The following DAB1 variants were observed in gnomAD, a reference collection of about 807,000 sequenced individuals.
DAB1 encodes the protein DAB adaptor protein 1, also known as disabled homolog 1.
In DAB1, 15 loss-of-function variants were observed where a neutral mutation model predicts 64.6. The observed-to-expected ratio is 0.23, with a 90% CI of 0.16 to 0.36. The LOEUF is 0.36. Among genes scored for constraint, DAB1 ranks in the 10% least tolerant of loss-of-function variants. DAB1 has a pLI of 1.00. For missense variants in DAB1, 596 were observed against 706.7 expected (o/e 0.84, Z 1.78); for synonymous variants, 235 against 251.9 (o/e 0.93, Z 0.64).
At chr1:58,330,736 G>A (rs1375437696) in intron 4 of DAB1, among the ~76,000 whole-genome samples, 1 of 152,178 alleles carries the variant, frequency 6.6e-6, no homozygotes, top group African/African-American at 2.4e-5. Context: ...AAGTCTGGAT[G>A]ACAGCACATA....
chr1:57,971,922 T>C (rs978921339), intron 5 of DAB1, among the ~76,000 whole-genome samples: 1 of 152,216 alleles, frequency 6.6e-6, no homozygotes, highest in Non-Finnish European at 1.5e-5. Context: ...CCATTTCCAC[T>C]ACAATATCTC....
chr1:58,396,525 G>C (rs1005845606), intron 3 of DAB1, among the ~76,000 whole-genome samples: 3 of 151,878 alleles, frequency 2.0e-5, no homozygotes, highest in African/African-American at 7.3e-5. Flanking sequence ...GCAGTGCATA[G>C]ACACAAAGAC....
chr1:57,776,170 T>C (rs1649789854), intron 6 of DAB1, among the ~76,000 whole-genome samples: 1 of 151,740 alleles, frequency 6.6e-6, no homozygotes, highest in African/African-American at 2.4e-5. Context: ...ATCCCAAATG[T>C]TCCAAAACCT....
Position 58,017,838 on chromosome 1 carries a change from G to A in DAB1, n.387+132673C>T, listed in dbSNP as rs185528691. Among the ~76,000 whole-genome samples the A allele has an allele frequency of 2.0e-4, 30 of 152,354 alleles. No homozygotes were observed. In the East Asian group the frequency reaches 5.6e-3, roughly 28 times the overall value. On this transcript the variant is annotated intron_variant and non_coding_transcript_variant, in intron 5 of 20. Transcript: ENST00000485760. ...ACATGAGCTCATGGTAGCCCCTCTA[G>A]GTGGGGCTGGAAGACAAAGGTTTAT... is the stretch of plus-strand genomic sequence containing the variant.
intron 7 of DAB1, among the ~76,000 whole-genome samples, chr1:57,461,257 A>G (rs1160640960): frequency 1.3e-5 from 2 of 152,186 alleles, no homozygotes; most frequent in African/African-American, 2.4e-5. Flanking sequence ...GCACTGGTCT[A>G]ATGTTGGGGA....
chr1:57,175,048 C>T (rs17541479), intron 2 of DAB1, among the ~76,000 whole-genome samples: 39,867 of 152,038 alleles, frequency 0.26, 6,410 homozygotes, highest in Middle Eastern at 0.38. Flanking sequence ...CAGAAGGACG[C>T]GACATTTTGG....
intron 5 of DAB1, among the ~76,000 whole-genome samples, chr1:58,107,267 T>G (rs1405047641): frequency 4.1e-5 from 6 of 146,196 alleles, no homozygotes; most frequent in Non-Finnish European, 9.0e-5. Context: ...GAGATCAGCT[T>G]GGCTAACATG....
At chr1:57,054,349 C>T (rs920432946) in intron 9 of DAB1, among the ~76,000 whole-genome samples, 2 of 152,000 alleles carry the variant, frequency 1.3e-5, no homozygotes, top group Non-Finnish European at 2.9e-5. Context: ...CAATGCTCTG[C>T]TTGCATTCCC....
intron 7 of DAB1, among the ~76,000 whole-genome samples, chr1:57,617,618 C>T (rs1204955370): frequency 6.6e-6 from 1 of 152,144 alleles, no homozygotes; most frequent in Non-Finnish European, 1.5e-5. Context: ...GAGAGAAAAC[C>T]TGTTTGACAA....
chr1:57,695,288 G>GAAA (rs1491111654), intron 6 of DAB1, among the ~76,000 whole-genome samples: 1 of 120,312 alleles, frequency 8.3e-6, no homozygotes, highest in Non-Finnish European at 1.7e-5. Flanking sequence ...AAGGAAGAAA[G>GAAA]GGAGAGAGAA....
chr1:58,053,501 G>A (rs1350802467), intron 5 of DAB1, among the ~76,000 whole-genome samples: 1 of 152,148 alleles, frequency 6.6e-6, no homozygotes, highest in African/African-American at 2.4e-5. Flanking sequence ...CACCCCTGAG[G>A]AAGGGCATTA....
At chr1:58,386,974 C>G (rs1009863982) in intron 3 of DAB1, among the ~76,000 whole-genome samples, 2 of 152,116 alleles carry the variant, frequency 1.3e-5, no homozygotes, top group Non-Finnish European at 2.9e-5. Flanking sequence ...GTAGGAGAAT[C>G]GCTTGAATCC....
At chr1:58,453,245 A>AG (rs1224639585) in intron 3 of DAB1, among the ~76,000 whole-genome samples, 1 of 152,156 alleles carries the variant, frequency 6.6e-6, no homozygotes, top group Admixed American at 6.5e-5. Flanking sequence ...AAGCACTCAA[A>AG]GCAAAGGGGC....
At chr1:58,035,012 T>TAA (rs1647023503) in intron 5 of DAB1, among the ~76,000 whole-genome samples, 2 of 152,238 alleles carry the variant, frequency 1.3e-5, no homozygotes, top group Non-Finnish European at 2.9e-5. Flanking sequence ...ACACCCTGTC[T>TAA]TTAGACTTTG....
intron 9 of DAB1, among the ~76,000 whole-genome samples, chr1:57,054,191 G>T (rs1649507444): frequency 6.6e-6 from 1 of 152,186 alleles, no homozygotes; most frequent in African/African-American, 2.4e-5. Context: ...AAAGTGCTAA[G>T]TATTTCTCAC....
At chr1:58,046,373 A>C (rs1266552846) in intron 5 of DAB1, among the ~76,000 whole-genome samples, 5 of 152,188 alleles carry the variant, frequency 3.3e-5, no homozygotes, top group Non-Finnish European at 5.9e-5. Flanking sequence ...TATCGTCCAA[A>C]TCATTTACTT....
At chr1:58,237,177 G>A (rs1557708654) in intron 4 of DAB1, among the ~76,000 whole-genome samples, 1 of 152,184 alleles carries the variant, frequency 6.6e-6, no homozygotes, top group Non-Finnish European at 1.5e-5. Flanking sequence ...AATCAGTAGA[G>A]TTCCTTGCAC....
chr1:58,351,697 C>T (rs192064007), intron 3 of DAB1, among the ~76,000 whole-genome samples: 4 of 151,234 alleles, frequency 2.6e-5, no homozygotes, highest in African/African-American at 9.7e-5. Context: ...GATAGATTAT[C>T]CCTTGGGGCA....
chr1:57,482,497 A>C (rs1460056263), intron 7 of DAB1, among the ~76,000 whole-genome samples: 1 of 151,132 alleles, frequency 6.6e-6, no homozygotes, highest in Non-Finnish European at 1.5e-5. Context: ...AAAAAAAAAA[A>C]AAAAAAACAA....
Sources: gnomAD v4.1 joint callset for allele counts (sites outside exome capture counted in the v4.1 genomes callset) on GRCh38, gnomAD v4.1.1 for gene constraint, MANE v1.5 for transcripts, NCBI Gene and HGNC (gene_info 2026-07-23, HGNC 2026-07-21) for gene names.